The following RBFOX1 variants were observed in gnomAD, a reference collection of about 807,000 sequenced individuals.
RBFOX1 encodes RNA binding fox-1 homolog 1, also known as RNA binding protein fox-1 homolog 1.
Under a neutral mutation model 57.7 loss-of-function variants are expected in RBFOX1, and 8 were observed. That is an observed-to-expected ratio of 0.14 (90% CI 0.08 to 0.25). The LOEUF (loss-of-function observed/expected upper bound fraction) is 0.25. Among genes scored for constraint, RBFOX1 ranks in the 10% least tolerant of loss-of-function variants. RBFOX1 has a pLI of 1.00. For synonymous variants in RBFOX1, 326 were observed against 222.4 expected (o/e 1.47, Z -4.15); for missense variants, 611 against 548.5 (o/e 1.11, Z -1.14).
chr16:7,507,045 A>G (rs544844840), intron 4 of RBFOX1, among the ~76,000 whole-genome samples: 5 of 152,160 alleles, frequency 3.3e-5, no homozygotes, highest in Non-Finnish European at 7.4e-5. Flanking sequence ...ATATATTACT[A>G]TTTATATTTT....
intron 4 of RBFOX1, among the ~76,000 whole-genome samples, chr16:7,441,053 A>G (rs2098762175): frequency 2.0e-5 from 3 of 152,188 alleles, no homozygotes; most frequent in Middle Eastern, 3.4e-3. Context: ...AACCAAAGAA[A>G]AAAAAAAGAC....
intron 3 of RBFOX1, among the ~76,000 whole-genome samples, chr16:6,780,205 A>G (rs1282219560): frequency 2.4e-5 from 1 of 41,866 alleles, no homozygotes; most frequent in Non-Finnish European, 3.3e-5. Flanking sequence ...ATATTTTTAT[A>G]TATTTATATA....
intron 2 of RBFOX1, among the ~76,000 whole-genome samples, chr16:6,446,425 T>A (rs1318592436): frequency 6.6e-6 from 1 of 152,196 alleles, no homozygotes; most frequent in Non-Finnish European, 1.5e-5. Flanking sequence ...CGGAAAAATA[T>A]AGATTTTAAA....
Position 7,097,183 on chromosome 16 carries a change from C to G in RBFOX1, c.27+45085C>G, listed in dbSNP as rs1389186349. Among the ~76,000 whole-genome samples, 4 of 152,096 alleles carry G rather than the reference C, an allele frequency of 2.6e-5. 1 individual carries two copies. The highest frequency in any genetic ancestry group is 9.7e-5 in the African/African-American group (4 of 41,412). ...GAGCAAGACTTTTCCAAGAAGGTGT[C>G]TTCTCAGCTAGGACCTGAGAGTTAG... is the stretch of plus-strand genomic sequence containing the variant. On this transcript the variant is annotated intron_variant, in intron 4 of 15. Transcript: ENST00000550418.
chr16:7,629,390 A>C (rs948391205), intron 10 of RBFOX1, among the ~76,000 whole-genome samples: 6 of 152,192 alleles, frequency 3.9e-5, no homozygotes, highest in African/African-American at 1.4e-4. Flanking sequence ...CCAAGGATAT[A>C]GAAAAGTTCC....
intron 1 of RBFOX1, among the ~76,000 whole-genome samples, chr16:6,148,681 A>G (rs910846609): frequency 1.3e-5 from 2 of 152,204 alleles, no homozygotes; most frequent in African/African-American, 2.4e-5. Flanking sequence ...CACAGTTAGC[A>G]TGGGAGACCC....
chr16:7,113,719 C>A (rs1230325445), intron 4 of RBFOX1, among the ~76,000 whole-genome samples: 1 of 152,000 alleles, frequency 6.6e-6, no homozygotes, highest in Admixed American at 6.6e-5. Flanking sequence ...TTGTTCTTTG[C>A]AAGGCTGCAT....
chr16:7,439,060 A>G (rs762067684), intron 4 of RBFOX1, among the ~76,000 whole-genome samples: 26 of 151,902 alleles, frequency 1.7e-4, no homozygotes, highest in Admixed American at 4.6e-4. Context: ...TGTTGAGCCA[A>G]CGCAGAGTCT....
At chr16:6,738,892 T>C (rs377446905) in intron 3 of RBFOX1, among the ~76,000 whole-genome samples, 3 of 152,010 alleles carry the variant, frequency 2.0e-5, no homozygotes, top group East Asian at 3.9e-4. Flanking sequence ...AATCCATGAG[T>C]TGAAAATGAA....
At chr16:5,567,763 C>T (rs1285004302) in intron 2 of RBFOX1, among the ~76,000 whole-genome samples, 5 of 151,276 alleles carry the variant, frequency 3.3e-5, no homozygotes, top group African/African-American at 9.7e-5. Context: ...TCATCATTGT[C>T]GTCACCGTCA....
intron 3 of RBFOX1, among the ~76,000 whole-genome samples, chr16:6,796,763 C>G (rs1359928029): frequency 6.6e-6 from 1 of 152,118 alleles, no homozygotes; most frequent in African/African-American, 2.4e-5. Flanking sequence ...GAAGATGGGC[C>G]TACATCTGCC....
intron 1 of RBFOX1, among the ~76,000 whole-genome samples, chr16:6,278,377 C>CAAAAAAAAAAAAAAAAAAAAAA (rs57523660): frequency 3.6e-5 from 1 of 28,042 alleles, no homozygotes; most frequent in African/African-American, 1.3e-4. Flanking sequence ...TAGGACTCAC[C>CAAAAAAAAAAAAAAAAAAAAAA]AAAAAAAAAA....
At chr16:7,688,480 G>A (rs1490747013) in intron 14 of RBFOX1, among the ~76,000 whole-genome samples, 1 of 151,990 alleles carries the variant, frequency 6.6e-6, no homozygotes, top group Admixed American at 6.6e-5. Context: ...CGCACCAAAA[G>A]TTTTCTCTGA....
At chr16:6,238,826 G>A (rs2097524947) in intron 1 of RBFOX1, among the ~76,000 whole-genome samples, 1 of 152,062 alleles carries the variant, frequency 6.6e-6, no homozygotes, top group East Asian at 1.9e-4. Flanking sequence ...TGATATAGAC[G>A]TGCAATGTGA....
chr16:6,159,018 T>G (rs1308054677), intron 1 of RBFOX1, among the ~76,000 whole-genome samples: 1 of 152,060 alleles, frequency 6.6e-6, no homozygotes, highest in Admixed American at 6.6e-5. Context: ...TTCTCCTGCC[T>G]CAGCCTCCCA....
intron 1 of RBFOX1, among the ~76,000 whole-genome samples, chr16:5,305,716 G>A (rs1004368290): frequency 6.6e-6 from 1 of 152,168 alleles, no homozygotes; most frequent in African/African-American, 2.4e-5. Flanking sequence ...CTTCTGGGTG[G>A]TGGGCAGCCA....
At chr16:7,090,910 C>T (rs997755252) in intron 4 of RBFOX1, among the ~76,000 whole-genome samples, 2 of 151,916 alleles carry the variant, frequency 1.3e-5, no homozygotes, top group Non-Finnish European at 2.9e-5. Flanking sequence ...AGCACAAACT[C>T]CTGCTCTCCT....
chr16:6,355,874 A>AAAAATAGAAT (rs2087223670), intron 2 of RBFOX1, among the ~76,000 whole-genome samples: 1 of 152,218 alleles, frequency 6.6e-6, no homozygotes, highest in Non-Finnish European at 1.5e-5. Flanking sequence ...CAAAATGATC[A>AAAAATAGAAT]GGAGCAACTT....
At chr16:7,060,619 A>G (rs1046679052) in intron 4 of RBFOX1, among the ~76,000 whole-genome samples, 1 of 152,212 alleles carries the variant, frequency 6.6e-6, no homozygotes, top group East Asian at 1.9e-4. Flanking sequence ...TTCCAACCCT[A>G]ATGACTCAGA....
Sources: allele counts gnomAD v4.1 joint callset (sites outside exome capture counted in the v4.1 genomes callset), GRCh38; gene constraint gnomAD v4.1.1; transcripts MANE v1.5; gene names NCBI Gene and HGNC (gene_info 2026-07-23, HGNC 2026-07-21).